Variants in KCNQ1 observed in about 807,000 individuals in gnomAD.
KCNQ1 encodes potassium voltage-gated channel subfamily KQT member 1.
KCNQ1 carries 49 observed loss-of-function variants against 72.4 expected under a neutral mutation model. The observed-to-expected ratio is 0.68, with a 90% CI of 0.54 to 0.86. The LOEUF (loss-of-function observed/expected upper bound fraction) is 0.86, where lower values mean the gene tolerates loss of function less well. Among genes scored for constraint, KCNQ1 ranks in the 40% least tolerant of loss-of-function variants. KCNQ1 has a pLI of 0.00. For missense variants in KCNQ1, 790 were observed against 945.1 expected (o/e 0.84, Z 2.15); for synonymous variants, 450 against 412.6 (o/e 1.09, Z -1.10).
At chr11:2,505,899 C>A (rs936796948) in intron 1 of KCNQ1, among the ~76,000 whole-genome samples, 2 of 152,176 alleles carry the variant, frequency 1.3e-5, no homozygotes, top group African/African-American at 4.8e-5. Context: ...CTCTAGTAGA[C>A]AGCATGTAGC....
rs1218898177 is a variant in KCNQ1, at chr11:2,724,761, G to T, written c.1515-44083G>T. Among the ~76,000 whole-genome samples, 1 of 152,208 alleles carries T rather than the reference G, an allele frequency of 6.6e-6. No individual in the cohort carries two copies. Among genetic ancestry groups the T allele is most frequent in the Non-Finnish European group, 1.5e-5 (1 of 68,028 alleles). On this transcript the variant is annotated intron_variant, in intron 11 of 15. Transcript: ENST00000155840. This position sits in a 1 kb window ranked among gnomAD's most constrained non-coding sequence, Gnocchi z 6.8. ...CAACAGAACCAGGGCTCAGAGTTGG[G>T]GGAAGGGGCCAGTTCACCCACAGAG...
Position 2,766,847 on chromosome 11 carries a change from G to T in KCNQ1, c.1515-1997G>T, listed in dbSNP as rs186497309. 1.9e-4 allele frequency among the ~76,000 whole-genome samples: 29 copies of T among 152,276 alleles called. No individual in the cohort carries two copies. The highest frequency in any genetic ancestry group is 6.5e-4 in the African/African-American group (27 of 41,538). ...CTTATTTCTGTATCAGTTACCTATT[G>T]TTGCGTAGCAAACTAGACCTAAATT... On this transcript the variant is annotated intron_variant, in intron 11 of 15. Transcript: ENST00000155840. This position sits in a 1 kb window ranked among gnomAD's most constrained non-coding sequence, Gnocchi z 4.4.
chr11:2,842,117 G>A (rs1283456949), intron 15 of KCNQ1, among the ~76,000 whole-genome samples: 2 of 152,190 alleles, frequency 1.3e-5, no homozygotes, highest in Non-Finnish European at 2.9e-5. Context: ...ACAAGGTTGA[G>A]GATTTGGTCT....
rs1431593592 is a variant in KCNQ1, at chr11:2,848,832, G to A, written c.*829G>A. 2.2e-6 allele frequency: 1 copy of A among 454,202 alleles called. No homozygotes were observed. Among genetic ancestry groups the A allele is most frequent in the Admixed American group, 2.3e-5 (1 of 42,586 alleles). 28.1% of individuals were successfully genotyped at this position (454,202 alleles called of 1,614,324 possible). ...CCCTTGCCAGCTGCTGAGCCGCAGA[G>A]AAGTGACGGTTCCTACACAGGACAG... On this transcript the variant is annotated 3_prime_UTR_variant, in exon 16 of 16. Coordinates refer to ENST00000155840, the MANE Select transcript of KCNQ1 (RefSeq NM_000218.3).
chr11:2,553,414 A>G (rs904374552), intron 2 of KCNQ1, among the ~76,000 whole-genome samples: 2 of 152,086 alleles, frequency 1.3e-5, no homozygotes, highest in Non-Finnish European at 2.9e-5. Context: ...AGTAGAAGCC[A>G]CTTATCAGGC....
chr11:2,751,252 A>G (rs905644181), intron 11 of KCNQ1, among the ~76,000 whole-genome samples: 14 of 152,168 alleles, frequency 9.2e-5, no homozygotes, highest in African/African-American at 2.9e-4. Context: ...TTCTCCAACT[A>G]GCATGGGAAT....
intron 1 of KCNQ1, chr11:2,521,352 C>T (rs1234806013): frequency 5.6e-6 from 2 of 355,258 alleles, no homozygotes; most frequent in Non-Finnish European, 1.2e-5. Flanking sequence ...GGCCTTTGCG[C>T]TTCTGTGACT....
intron 1 of KCNQ1, among the ~76,000 whole-genome samples, chr11:2,520,255 C>T (rs1271101887): frequency 6.6e-6 from 1 of 152,236 alleles, no homozygotes; most frequent in Non-Finnish European, 1.5e-5. Flanking sequence ...CGTGCCTCAC[C>T]AGGGCTTCTG....
In KCNQ1 at chr11:2,764,971, T is replaced by C. The variant is rs1279422036; in HGVS notation, c.1515-3873T>C. 6.6e-6 allele frequency among the ~76,000 whole-genome samples: 1 copy of C among 152,196 alleles called. No individual in the cohort carries two copies. The highest frequency in any genetic ancestry group is 1.5e-5 in the Non-Finnish European group (1 of 68,022). ...TTTGGCTTTGTTGATTTTCCTTAAA[T>C]AATGTTCATTTTTTATCTCATAGAC... On this transcript the variant is annotated intron_variant, in intron 11 of 15. Transcript: ENST00000155840. This position sits in a 1 kb window ranked among gnomAD's most constrained non-coding sequence, Gnocchi z 4.8.
intron 1 of KCNQ1, among the ~76,000 whole-genome samples, chr11:2,459,987 G>T (rs1263805827): frequency 6.6e-6 from 1 of 152,178 alleles, no homozygotes; most frequent in African/African-American, 2.4e-5. Flanking sequence ...GTGAACCCCT[G>T]TTTCTCCTCT....
At chr11:2,561,790 T>G (rs1848171002) in intron 2 of KCNQ1, among the ~76,000 whole-genome samples, 1 of 152,194 alleles carries the variant, frequency 6.6e-6, no homozygotes, top group African/African-American at 2.4e-5. Flanking sequence ...TGGAGCTAGC[T>G]GTGCAGGGGC....
chr11:2,648,832 T>C (rs1380865142), intron 10 of KCNQ1: 2 of 398,380 alleles, frequency 5.0e-6, no homozygotes, highest in African/African-American at 2.1e-5. Flanking sequence ...ATTATTGTAT[T>C]GGGGTCTATC....
At chr11:2,521,762 G>A (rs1301245491) in intron 1 of KCNQ1, among the ~76,000 whole-genome samples, 3 of 152,240 alleles carry the variant, frequency 2.0e-5, no homozygotes, top group Non-Finnish European at 4.4e-5. Context: ...GCCTGTCCCC[G>A]AGTGGGCATG....
intron 7 of KCNQ1, among the ~76,000 whole-genome samples, chr11:2,584,322 T>A (rs914848724): frequency 1.3e-5 from 2 of 152,184 alleles, no homozygotes; most frequent in Non-Finnish European, 1.5e-5. Context: ...TATGTGCTTG[T>A]GTTAGTGTTT....
At chr11:2,733,774 C>CCACACACA (rs144399150) in intron 11 of KCNQ1, among the ~76,000 whole-genome samples, 1,500 of 57,312 alleles carry the variant, frequency 0.026, 49 homozygotes, top group East Asian at 0.097. Context: ...TTCAGGCCTT[C>CCACACACA]CACACACACA....
At position 2,608,698 on chromosome 11, in the gene KCNQ1, A is replaced by G. The variant is rs773765270; in HGVS notation, c.1393+19844A>G. On this transcript the variant is annotated intron_variant, in intron 10 of 15. Coordinates refer to ENST00000155840, the MANE Select transcript of KCNQ1 (RefSeq NM_000218.3). The surrounding 1 kb of genome is among the most constrained non-coding windows in gnomAD (Gnocchi z 4.6). The stretch of plus-strand genomic sequence containing the variant: ...ATGCTATTCTTGAACTCCTGGCCAC[A>G]AGCAATTCTCGAACTCCTGGCCACA... 2.1e-5 allele frequency: 8 copies of G among 381,036 alleles called. No homozygotes were observed. Among genetic ancestry groups the G allele is most frequent in the East Asian group, 3.6e-5 (1 of 28,088 alleles). The allele number at this position is 381,036 out of a possible 1,614,324, so 23.6% of individuals were successfully genotyped here. A position where few individuals can be genotyped will look rare whatever the true frequency, so the allele number is the denominator to read the frequency against.
intron 15 of KCNQ1, among the ~76,000 whole-genome samples, chr11:2,837,752 A>C (rs771031939): frequency 2.8e-4 from 42 of 152,228 alleles, no homozygotes; most frequent in Non-Finnish European, 5.4e-4. Flanking sequence ...TGGATGCTCC[A>C]GGAGGCAGGG....
rs1441283016 is a variant in KCNQ1 at position 2,611,743 on chromosome 11, ATGT to A, written c.1393+22894_1393+22896del. On this transcript the variant is annotated intron_variant, in intron 10 of 15. Transcript: ENST00000155840. This position sits in a 1 kb window ranked among gnomAD's most constrained non-coding sequence, Gnocchi z 5.3. ...TGATATGGAAGGATTTATATCTACC[ATGT>A]TGTTATTTATTTTCTATATGTCTCA... is the stretch of plus-strand genomic sequence containing the variant. 1.1e-4 allele frequency: 45 copies of A among 398,310 alleles called. No individual in the cohort carries two copies. The highest frequency in any genetic ancestry group is 1.9e-4 in the Non-Finnish European group (44 of 226,016). 24.7% of individuals were successfully genotyped at this position (398,310 alleles called of 1,614,324 possible).
At chr11:2,597,107 A>G (rs561398728) in intron 10 of KCNQ1, among the ~76,000 whole-genome samples, 1 of 152,336 alleles carries the variant, frequency 6.6e-6, no homozygotes, top group East Asian at 1.9e-4. Context: ...GATGACTTCA[A>G]TTATGACAAG....
Sources: allele counts gnomAD v4.1 joint callset (sites outside exome capture counted in the v4.1 genomes callset), GRCh38; gene constraint gnomAD v4.1.1; non-coding constraint Gnocchi (gnomAD v3.1); transcripts MANE v1.5; gene names NCBI Gene and HGNC (gene_info 2026-07-23, HGNC 2026-07-21).